The following SMG1 variants were observed in gnomAD, a reference collection of about 807,000 sequenced individuals.
SMG1 encodes SMG1 nonsense mediated mRNA decay associated PI3K related kinase.
A neutral mutation model predicts 419.9 loss-of-function variants in SMG1; 22 were observed. The observed-to-expected ratio is 0.05, with a 90% CI of 0.04 to 0.07. The LOEUF is 0.07. SMG1 is among the 10% of genes least tolerant of loss of function. SMG1 has a pLI of 1.00. For synonymous variants in SMG1, 1,538 were observed against 1,553.5 expected (o/e 0.99, Z 0.23); for missense variants, 3,185 against 4,342.0 (o/e 0.73, Z 7.49).
At chr16:18,829,177 G>A (rs901421861) in intron 54 of SMG1, 109 bp downstream of exon 54, 2 of 869,372 alleles carry the variant, frequency 2.3e-6, no homozygotes, top group Non-Finnish European at 3.4e-6. Context: ...GGGTTGCTGT[G>A]AGTTCAGGAA....
intron 1 of SMG1, among the ~76,000 whole-genome samples, chr16:18,900,263 G>A (rs1185063356): frequency 6.6e-6 from 1 of 152,140 alleles, no homozygotes; most frequent in African/African-American, 2.4e-5. Context: ...GTACATAAGA[G>A]AATTTAAATG....
chr16:18,812,643 CAT>C (rs1555483957), intron 60 of SMG1, among the ~76,000 whole-genome samples: 8 of 133,692 alleles, frequency 6.0e-5, no homozygotes, highest in African/African-American at 2.4e-4. Context: ...TATATATACA[CAT>C]ATACACACAC....
At chr16:18,867,231 G>A (rs1432355945) in intron 22 of SMG1, among the ~76,000 whole-genome samples, 1 of 152,050 alleles carries the variant, frequency 6.6e-6, no homozygotes, top group Non-Finnish European at 1.5e-5. Context: ...TTTGTCATAC[G>A]TTATAAAAAC....
chr16:18,896,023 G>A (rs374461637), intron 3 of SMG1, 29 bp downstream of exon 3: 139 of 1,606,914 alleles, frequency 8.7e-5, no homozygotes, highest in Non-Finnish European at 1.1e-4. Flanking sequence ...GAAGGTGTAT[G>A]TGATTGGTCC....
chr16:18,879,076 G>A (rs895601884), intron 11 of SMG1: 14 of 264,310 alleles, frequency 5.3e-5, no homozygotes, highest in Admixed American at 1.0e-4. Context: ...TATAACTGAT[G>A]AATGTACTCT....
intron 1 of SMG1, among the ~76,000 whole-genome samples, chr16:18,912,944 A>G (rs1230359946): frequency 6.6e-6 from 1 of 152,150 alleles, no homozygotes; most frequent in Non-Finnish European, 1.5e-5. Flanking sequence ...CGGACAGGCA[A>G]GAAATGTAAT....
At chr16:18,852,536 T>C (rs767377020) in intron 31 of SMG1, 74 bp from the exon 32 acceptor site, 13 of 1,274,386 alleles carry the variant, frequency 1.0e-5, no homozygotes, top group Non-Finnish European at 1.2e-5. Flanking sequence ...CCTAACGACA[T>C]TTCCATTAGC....
chr16:18,892,460 T>G (rs1367975059), intron 3 of SMG1, 106 bp from the exon 4 acceptor site: 12 of 898,860 alleles, frequency 1.3e-5, no homozygotes, highest in South Asian at 1.3e-4. Flanking sequence ...ATTATTATGG[T>G]GGCTCATGCC....
At chr16:18,882,594 A>T (rs959349419) in intron 9 of SMG1, among the ~76,000 whole-genome samples, 1 of 152,228 alleles carries the variant, frequency 6.6e-6, no homozygotes, top group Non-Finnish European at 1.5e-5. Flanking sequence ...GAAAGCTGTT[A>T]GGGAAAAATA....
chr16:18,853,384 T>A (rs2034707375), intron 31 of SMG1, among the ~76,000 whole-genome samples, 199 bp downstream of exon 31: 1 of 152,180 alleles, frequency 6.6e-6, no homozygotes. Context: ...AGCAAATACC[T>A]GGGGGCAGAG....
intron 1 of SMG1, among the ~76,000 whole-genome samples, chr16:18,904,377 G>A (rs1424001093): frequency 6.6e-6 from 1 of 151,450 alleles, no homozygotes; most frequent in East Asian, 2.0e-4. Context: ...GCTCACGCCT[G>A]TAATCCCAGC....
At chr16:18,876,008 G>A (rs2141658078) in intron 13 of SMG1, 116 bp downstream of exon 13, 1 of 1,130,742 alleles carries the variant, frequency 8.8e-7, no homozygotes, top group Non-Finnish European at 1.3e-6. Flanking sequence ...AAATATGGCT[G>A]TTTGTTACAC....
intron 29 of SMG1, chr16:18,856,798 C>T (rs1434086547): frequency 6.7e-6 from 1 of 148,746 alleles, no homozygotes; most frequent in Admixed American, 6.7e-5. Flanking sequence ...CACATTTGAT[C>T]AATACTTGCT....
At chr16:18,883,666 C>T (rs563097574) in intron 9 of SMG1, among the ~76,000 whole-genome samples, 1 of 152,280 alleles carries the variant, frequency 6.6e-6, no homozygotes, top group African/African-American at 2.4e-5. Context: ...CGCCTATAAT[C>T]CCAGCACTTT....
chr16:18,903,750 G>C (rs2037441281), intron 1 of SMG1, among the ~76,000 whole-genome samples: 1 of 152,116 alleles, frequency 6.6e-6, no homozygotes, highest in African/African-American at 2.4e-5. Context: ...ACTGTCTAAT[G>C]TTTGAGCTCT....
At position 18,921,154 on chromosome 16, in the gene SMG1, A is replaced by AGAG. The variant is rs34756311; in HGVS notation, c.92+4795_92+4796insCTC. Among the ~76,000 whole-genome samples the AGAG allele has an allele frequency of 7.2e-3, 1,029 of 143,344 alleles. 16 individuals are homozygous for AGAG. Among genetic ancestry groups the AGAG allele is most frequent in the African/African-American group, 0.025 (958 of 38,488 alleles). 94.0% of individuals were successfully genotyped at this position (143,344 alleles called of 152,430 possible). A position where few individuals can be genotyped will look rare whatever the true frequency, so the allele number is the denominator to read the frequency against. ...CTCTGTCTCAAAAAAAAAAAAAAAA[A>AGAG]AGAGAGAGAGAGAGAGGAAAAATAA... On this transcript the variant is annotated intron_variant, in intron 1 of 62. Coordinates refer to ENST00000446231, the MANE Select transcript of SMG1 (RefSeq NM_015092.5).
rs1227945305 is a variant in SMG1, at chr16:18,815,166, T to G, written c.10621+9A>C. 2 of 1,553,360 alleles carry G rather than the reference T, an allele frequency of 1.3e-6. No homozygotes were observed. Among genetic ancestry groups the G allele is most frequent in the South Asian group, 2.4e-5 (2 of 84,954 alleles). ...AACAACAGATCAAGACTCAGGACTCTTCTCCTACCTGCAGCGAAGGATGGC... is the reference window on the plus strand; with the variant it reads ...AACAACAGATCAAGACTCAGGACTCGTCTCCTACCTGCAGCGAAGGATGGC... On this transcript the variant is annotated intron_variant, in intron 60 of 62. Coordinates refer to ENST00000446231, the MANE Select transcript of SMG1 (RefSeq NM_015092.5).
intron 1 of SMG1, among the ~76,000 whole-genome samples, chr16:18,911,917 C>G (rs1288748601): frequency 6.6e-6 from 1 of 151,874 alleles, no homozygotes; most frequent in East Asian, 2.0e-4. Flanking sequence ...CCCGTCTCTA[C>G]TAAAAATACA....
intron 55 of SMG1, among the ~76,000 whole-genome samples, chr16:18,821,221 C>CTTTTTTTTTTTTTTTTTTTTTTTTTTT (rs869238782): frequency 2.2e-4 from 8 of 35,596 alleles, no homozygotes; most frequent in East Asian, 6.0e-4. Context: ...TAGTATGTTT[C>CTTTTTTTTTTTTTTTTTTTTTTTTTTT]TTTTTTTTTT....
Sources: gnomAD v4.1 joint callset for allele counts (sites outside exome capture counted in the v4.1 genomes callset) on GRCh38, gnomAD v4.1.1 for gene constraint, MANE v1.5 for transcripts, NCBI Gene and HGNC (gene_info 2026-07-23, HGNC 2026-07-21) for gene names.